PARP12: variants seen among roughly 807,000 people sequenced by gnomAD.
PARP12 encodes the protein protein mono-ADP-ribosyltransferase PARP12.
In PARP12, 59 loss-of-function variants were observed where a neutral mutation model predicts 72.4. That is an observed-to-expected ratio of 0.81 (90% confidence interval 0.66 to 1.01). The LOEUF (loss-of-function observed/expected upper bound fraction) is 1.01, where lower values mean the gene tolerates loss of function less well. PARP12 is among the 50% of genes least tolerant of loss of function. The probability of loss-of-function intolerance (pLI) is 0.00; values close to 1 mark genes in which losing one functional copy is unlikely to be tolerated. For synonymous variants in PARP12, 403 were observed against 371.4 expected, an observed-to-expected ratio of 1.09 and a Z score of -0.98; for missense variants, 851 against 914.0, an observed-to-expected ratio of 0.93 and a Z score of 0.89.
At chr7:140,033,402 C>A (rs1216714255) in intron 8 of PARP12, 25 of 985,266 alleles carry the variant, frequency 2.5e-5, no homozygotes, top group Non-Finnish European at 2.9e-5. Context: ...TAGACACAAG[C>A]CAGACCTCTC....
intron 1 of PARP12, among the ~76,000 whole-genome samples, chr7:140,061,644 T>C (rs1817448534): frequency 6.6e-6 from 1 of 152,074 alleles, no homozygotes; most frequent in Admixed American, 6.5e-5. Context: ...ACCCGCCCCA[T>C]CACCTCCAGG....
chr7:140,048,927 C>G (rs944964473), intron 4 of PARP12, among the ~76,000 whole-genome samples: 1 of 152,110 alleles, frequency 6.6e-6, no homozygotes, highest in African/African-American at 2.4e-5. Context: ...CTGGAGAAAA[C>G]TGGTGTGAGG....
Position 140,054,645 on chromosome 7 carries a change from A to T in PARP12, c.862+17T>A, listed in dbSNP as rs1490620399. The T allele has an allele frequency of 9.5e-6, 15 of 1,572,608 alleles. No homozygotes were observed. The highest frequency in any genetic ancestry group is 1.2e-5 in the Non-Finnish European group (14 of 1,142,332). ...ACCCCTCCCACAAGTGGAATGAAGG[A>T]GCCTCTTCCAACTTACCTTGAAAGC... On this transcript the variant is annotated intron_variant, in intron 4 of 11. Transcript: ENST00000263549.
intron 3 of PARP12, among the ~76,000 whole-genome samples, chr7:140,056,393 C>T (rs1817177515): frequency 6.6e-6 from 1 of 152,208 alleles, no homozygotes; most frequent in African/African-American, 2.4e-5. Context: ...GTCAGGAATA[C>T]AGCCAATGCC....
At chr7:140,035,751 C>T (rs974702369) in intron 7 of PARP12, among the ~76,000 whole-genome samples, 10 of 151,974 alleles carry the variant, frequency 6.6e-5, no homozygotes, top group Non-Finnish European at 1.5e-4. Flanking sequence ...TGCTTTGAGA[C>T]TTGCTTTATA....
chr7:140,028,293 T>A (rs923348321), intron 9 of PARP12, among the ~76,000 whole-genome samples: 4 of 152,196 alleles, frequency 2.6e-5, no homozygotes, highest in African/African-American at 9.7e-5. Context: ...CTTTTCTCGC[T>A]TAATAAAATT....
chr7:140,057,229 T>C (rs1817224583), intron 2 of PARP12, 76 bp from the exon 3 acceptor site: 2 of 1,393,752 alleles, frequency 1.4e-6, no homozygotes, highest in South Asian at 1.4e-5. Context: ...GCCAGTCCAC[T>C]GGTGAGAAAG....
At position 140,041,696 on chromosome 7, in the gene PARP12, C is replaced by T; in HGVS notation, c.1130G>A (p.Trp377Ter). ...AAACTCATCACTCCAGTACCAAATCCAGTCAGTGGTGAGGATGAAGTGTGG... is the reference window on the plus strand; with the variant it reads ...AAACTCATCACTCCAGTACCAAATCTAGTCAGTGGTGAGGATGAAGTGTGG... ...KPPHFILTTDWIWYWSDEFGS... is the reference protein window; with the variant it reads ...KPPHFILTTD The change falls in exon 6 of 12, where the codon TGG (tryptophan) becomes TAG (stop). Residue 377 changes from tryptophan to a stop codon, truncating the protein, a stop_gained. Coordinates refer to ENST00000263549, the MANE Select transcript of PARP12 (RefSeq NM_022750.4). LOFTEE classifies it high-confidence loss of function. 5 of 1,614,134 alleles carry T rather than the reference C, an allele frequency of 3.1e-6. No homozygotes were observed. The highest frequency in any genetic ancestry group is 4.2e-6 in the Non-Finnish European group (5 of 1,180,028).
Position 140,062,564 on chromosome 7 carries a change from C to T in PARP12, c.284G>A (p.Cys95Tyr). The change falls in exon 1 of 12, where the codon TGC becomes TAC. Residue 95 changes from cysteine to tyrosine, a missense_variant. By Grantham distance (194) the Cys-to-Tyr change is radical. Around this residue, in one of 3 missense-constraint regions of PARP12, gnomAD observed 492 missense variants for 489.3 expected, o/e 1.01. Transcript: ENST00000263549. ...GCAGGCGCCGTAGACCATGAACCTGCAGAGGTGGAGCTGCGCGCAGAGCCC... is the reference window on the plus strand; with the variant it reads ...GCAGGCGCCGTAGACCATGAACCTGTAGAGGTGGAGCTGCGCGCAGAGCCC... ...CVGLCAQLHL[C>Y]RFMVYGACKF... 6.4e-7 allele frequency: 1 copy of T among 1,554,888 alleles called. No homozygotes were observed. Among genetic ancestry groups the T allele is most frequent in the Non-Finnish European group, 8.7e-7 (1 of 1,154,940 alleles).
At chr7:140,033,873 C>A (rs1816039747) in intron 8 of PARP12, 1 of 992,850 alleles carries the variant, frequency 1.0e-6, no homozygotes, top group Admixed American at 5.9e-5. Flanking sequence ...GGTGTAATTC[C>A]ATCATTATTT....
At chr7:140,038,960 G>T (rs911429517) in intron 6 of PARP12, among the ~76,000 whole-genome samples, 1 of 152,228 alleles carries the variant, frequency 6.6e-6, no homozygotes, top group Non-Finnish European at 1.5e-5. Flanking sequence ...GGGTAACTAA[G>T]AATGACCAAG....
intron 8 of PARP12, among the ~76,000 whole-genome samples, chr7:140,029,573 G>C (rs1026336643): frequency 6.6e-6 from 1 of 151,934 alleles, no homozygotes; most frequent in East Asian, 1.9e-4. Flanking sequence ...GCCAAAAACA[G>C]ACCCACAAAG....
intron 8 of PARP12, among the ~76,000 whole-genome samples, chr7:140,032,765 T>C (rs889281461): frequency 9.0e-4 from 137 of 152,204 alleles, no homozygotes; most frequent in Non-Finnish European, 5.6e-4. Flanking sequence ...TACTTTTATA[T>C]GTATGTATGC....
intron 10 of PARP12, 47 bp from the exon 11 acceptor site, chr7:140,026,395 C>T: frequency 4.4e-6 from 7 of 1,576,048 alleles, no homozygotes; most frequent in Non-Finnish European, 6.0e-6. Context: ...GTGCCGGCCA[C>T]CAAATACAGC....
chr7:140,026,544 G>A (rs945989996), intron 10 of PARP12, among the ~76,000 whole-genome samples, 196 bp from the exon 11 acceptor site: 2 of 152,192 alleles, frequency 1.3e-5, no homozygotes, highest in Non-Finnish European at 2.9e-5. Context: ...GGGATCGTGG[G>A]AGCTGGGTGA....
At chr7:140,039,861 C>T (rs771150353) in intron 6 of PARP12, among the ~76,000 whole-genome samples, 5 of 151,882 alleles carry the variant, frequency 3.3e-5, no homozygotes, top group African/African-American at 7.3e-5. Flanking sequence ...AACATCCACA[C>T]GCGGTTCATC....
rs1374795635 is a variant in PARP12, at chr7:140,057,757, C to T, written c.462+142G>A. The T allele has an allele frequency of 2.2e-5, 27 of 1,218,510 alleles. No homozygotes were observed. In the East Asian group the frequency reaches 4.1e-4, roughly 18 times the overall value. 75.5% of individuals were successfully genotyped at this position (1,218,510 alleles called of 1,614,324 possible). On this transcript the variant is annotated intron_variant, in intron 2 of 11. Transcript: ENST00000263549. ...CCCTTGAACTTCACTGCTCCTTCTG[C>T]TCCACATTCCAAATTTCTGCAGGTG...
chr7:140,061,921 G>A (rs1006950900), intron 1 of PARP12, among the ~76,000 whole-genome samples: 6 of 145,724 alleles, frequency 4.1e-5, no homozygotes, highest in Non-Finnish European at 9.0e-5. Context: ...CCAACCAAGA[G>A]CAAGAAGGGC....
chr7:140,042,231 C>T lies in PARP12; in HGVS notation c.987-392G>A, dbSNP rs184867488. On this transcript the variant is annotated intron_variant, in intron 5 of 11. Coordinates refer to ENST00000263549, the MANE Select transcript of PARP12 (RefSeq NM_022750.4). ...CATTAAGCACTTTATATGTATTAGG[C>T]GATGACATTTTCACAACCCTATGAG... is the stretch of plus-strand genomic sequence containing the variant. Among the ~76,000 whole-genome samples the T allele has an allele frequency of 6.0e-4, 91 of 152,310 alleles. 1 individual carries two copies. The highest frequency in any genetic ancestry group is 1.0e-3 in the Non-Finnish European group (68 of 68,026).
Sources: allele counts gnomAD v4.1 joint callset (sites outside exome capture counted in the v4.1 genomes callset), GRCh38; gene constraint gnomAD v4.1.1; regional missense constraint gnomAD v4.1.1; transcripts MANE v1.5; gene names NCBI Gene and HGNC (gene_info 2026-07-23, HGNC 2026-07-21).